PINK1: variants seen among roughly 807,000 people sequenced by gnomAD.
The protein encoded by PINK1 is PTEN induced kinase 1.
In PINK1, 58 loss-of-function variants were observed where a neutral mutation model predicts 56.0. The observed-to-expected ratio is 1.04, with a 90% CI of 0.84 to 1.29. The LOEUF is 1.29. Ranked by LOEUF, PINK1 falls within the 50% of genes most tolerant of loss-of-function variation. The probability of loss-of-function intolerance (pLI) is 0.00; values close to 1 mark genes in which losing one functional copy is unlikely to be tolerated. For synonymous variants in PINK1, 354 were observed against 339.3 expected, an observed-to-expected ratio of 1.04 and a Z score of -0.48; for missense variants, 745 against 777.9, an observed-to-expected ratio of 0.96 and a Z score of 0.50.
chr1:20,640,563 G>A (rs540671315), intron 3 of PINK1, among the ~76,000 whole-genome samples: 168 of 152,274 alleles, frequency 1.1e-3, no homozygotes, highest in Non-Finnish European at 2.0e-3. Context: ...GACAGTTTGT[G>A]CCACCTTGTG....
At chr1:20,648,460 GGAA>G in intron 5 of PINK1, 42 bp from the exon 6 acceptor site, 1 of 1,612,986 alleles carries the variant, frequency 6.2e-7, no homozygotes, top group East Asian at 2.2e-5. Context: ...CCTCTCAGAG[GGAA>G]GGAGGGGAGG....
At chr1:20,644,460 C>G in intron 3 of PINK1, 30 bp from the exon 4 acceptor site, 3 of 1,610,994 alleles carry the variant, frequency 1.9e-6, no homozygotes, top group Non-Finnish European at 2.5e-6. Flanking sequence ...TGATGCTGGC[C>G]TCATATGTTT....
At position 20,637,935 on chromosome 1, in the gene PINK1, T is replaced by C. The variant is rs771245131; in HGVS notation, c.481T>C (p.Ser161Pro). The C allele has an allele frequency of 5.6e-6, 9 of 1,614,012 alleles. No individual in the cohort carries two copies. In the South Asian group the frequency reaches 9.9e-5, roughly 18 times the overall value. Residue 161 changes from serine to proline, a missense_variant, in exon 2 of 8, where the codon TCC becomes CCC. Ser to Pro is a moderately conservative substitution (Grantham distance 74, BLOSUM62 -1). Transcript: ENST00000321556. Reference protein sequence around the residue: ...FRLEEYLIGQSIGKGCSAAVY... With the variant: ...FRLEEYLIGQPIGKGCSAAVY... ...GCTGGAGGAGTATCTGATAGGGCAG[T>C]CCATTGGTAAGGGCTGCAGTGCTGC...
chr1:20,647,500 TCA>T (rs2053198834), intron 5 of PINK1, among the ~76,000 whole-genome samples: 1 of 122,854 alleles, frequency 8.1e-6, no homozygotes, highest in Non-Finnish European at 1.6e-5. Context: ...AGACGGAGTC[TCA>T]CTCTGTCGCC....
Position 20,650,263 on chromosome 1 carries a change from G to T in PINK1, c.1489-171G>T, listed in dbSNP as rs969627427. 1.9e-5 allele frequency: 16 copies of T among 834,088 alleles called. No homozygotes were observed. The East Asian group carries it at 4.3e-4, about 22-fold the overall frequency. The allele number at this position is 834,088 out of a possible 1,614,324, so 51.7% of individuals were successfully genotyped here. A position where few individuals can be genotyped will look rare whatever the true frequency, so the allele number is the denominator to read the frequency against. On this transcript the variant is annotated intron_variant, in intron 7 of 7. Transcript: ENST00000321556. ...GTACACATGGAAAAGCTTGGAGCACGGGCAGGGGACAGGCAGTATTTGTCA... is the reference window on the plus strand; with the variant it reads ...GTACACATGGAAAAGCTTGGAGCACTGGCAGGGGACAGGCAGTATTTGTCA...
At chr1:20,644,319 T>C (rs1218132327) in intron 3 of PINK1, among the ~76,000 whole-genome samples, 171 bp from the exon 4 acceptor site, 1 of 152,218 alleles carries the variant, frequency 6.6e-6, no homozygotes, top group East Asian at 1.9e-4. Context: ...AGTCATCAGA[T>C]GTGTTCTCCA....
Position 20,648,985 on chromosome 1 carries a change from T to C in PINK1, c.1252-10T>C, listed in dbSNP as rs1159401444. On this transcript the variant is annotated splice_polypyrimidine_tract_variant and intron_variant, in intron 6 of 7. Transcript: ENST00000321556. ...GGCAGCGTGATGTCTCACCCACTGC[T>C]TCTGAGCAGGTGTCCACGGCCCGTC... 6 of 1,612,546 alleles carry C rather than the reference T, an allele frequency of 3.7e-6. 1 individual carries two copies. The highest frequency in any genetic ancestry group is 2.0e-4 in the Middle Eastern group (1 of 4,910).
intron 2 of PINK1, chr1:20,638,945 C>T (rs950189361): frequency 6.6e-6 from 1 of 152,374 alleles, no homozygotes; most frequent in African/African-American, 2.4e-5. Context: ...CTACTCTCAA[C>T]TCTTGGAAGG....
rs144655562 is a variant in PINK1, at chr1:20,641,582, T to C, written c.776+1590T>C. Among the ~76,000 whole-genome samples the C allele has an allele frequency of 6.6e-6, 1 of 152,240 alleles. No homozygotes were observed. The highest frequency in any genetic ancestry group is 2.4e-5 in the African/African-American group (1 of 41,526). On this transcript the variant is annotated intron_variant, in intron 3 of 7. Coordinates refer to ENST00000321556, the MANE Select transcript of PINK1 (RefSeq NM_032409.3). This position sits in a 1 kb window ranked among gnomAD's most constrained non-coding sequence, Gnocchi z 4.0. ...AGTAAATACCTGTTGAATGACCGGATAGATGTGGCAGCAGGTACATTACCT... is the reference window on the plus strand; with the variant it reads ...AGTAAATACCTGTTGAATGACCGGACAGATGTGGCAGCAGGTACATTACCT...
chr1:20,644,648 G>A lies in PINK1; in HGVS notation c.935G>A (p.Arg312Gln), dbSNP rs202128685. The A allele has an allele frequency of 3.1e-5, 50 of 1,614,200 alleles. No individual in the cohort carries two copies. Among genetic ancestry groups the A allele is most frequent in the East Asian group, 2.0e-4 (9 of 44,878 alleles). ...RLHPEGLGHG[R>Q]TLFLVMKNYP... is the part of the protein sequence containing the mutation. Reference sequence around the variant, plus strand: ...CACCCTGAAGGCCTGGGCCATGGCCGGACGCTGTTCCTCGTTATGAAGAAG... The same window carrying A: ...CACCCTGAAGGCCTGGGCCATGGCCAGACGCTGTTCCTCGTTATGAAGAAG... Residue 312 changes from arginine to glutamine, a missense_variant, in exon 4 of 8, where the codon CGG becomes CAG. Arg to Gln is a conservative substitution (Grantham distance 43). Transcript: ENST00000321556.
chr1:20,649,086 G>A lies in PINK1; in HGVS notation c.1343G>A (p.Gly448Glu), dbSNP rs1239850116. The A allele has an allele frequency of 5.6e-6, 9 of 1,614,124 alleles. No homozygotes were observed. The highest frequency in any genetic ancestry group is 7.6e-6 in the Non-Finnish European group (9 of 1,180,054). The change falls in exon 7 of 8, where the codon GGG (glycine) becomes GAG (glutamate). Residue 448 changes from glycine to glutamate, a missense_variant. Gly to Glu is a moderately conservative substitution (Grantham distance 98, BLOSUM62 -2). Coordinates refer to ENST00000321556, the MANE Select transcript of PINK1 (RefSeq NM_032409.3). Reference protein sequence around the residue: ...AVGAIAYEIFGLVNPFYGQGK... With the variant: ...AVGAIAYEIFELVNPFYGQGK... The stretch of plus-strand genomic sequence containing the variant: ...GGAGCCATCGCCTATGAAATCTTCG[G>A]GCTTGTCAATCCCTTCTACGGCCAG...
In PINK1 at chr1:20,638,189, C is replaced by T. The variant is rs1030869198; in HGVS notation, c.675+60C>T. 38 of 1,566,316 alleles carry T rather than the reference C, an allele frequency of 2.4e-5. No homozygotes were observed. In the African/African-American group the frequency reaches 4.9e-4, roughly 20 times the overall value. On this transcript the variant is annotated intron_variant, in intron 2 of 7. Transcript: ENST00000321556. ...TTCTCAAAATGCCCATCTTAGTGGG[C>T]CTGGTGAGGATTTTTTCCAGGAAGT...
In PINK1 at chr1:20,645,886, T is replaced by C. The variant is rs188973912; in HGVS notation, c.1123+163T>C. ...AGCAATCTCTCCCTTAGAACGGGGTTTTTTTTTCTCTCTTTGCAGAGAGAC... is the reference window on the plus strand; with the variant it reads ...AGCAATCTCTCCCTTAGAACGGGGTCTTTTTTTCTCTCTTTGCAGAGAGAC... On this transcript the variant is annotated intron_variant, in intron 5 of 7. Coordinates refer to ENST00000321556, the MANE Select transcript of PINK1 (RefSeq NM_032409.3). 1.3e-5 allele frequency among the ~76,000 whole-genome samples: 2 copies of C among 152,136 alleles called. 1 individual carries two copies. Among genetic ancestry groups the C allele is most frequent in the Non-Finnish European group, 2.9e-5 (2 of 67,988 alleles).
At chr1:20,648,760 C>T in intron 6 of PINK1, 128 bp downstream of exon 6, 1 of 1,480,936 alleles carries the variant, frequency 6.8e-7, no homozygotes, top group Non-Finnish European at 9.1e-7. Flanking sequence ...GGCACAAGTT[C>T]CTTCCCTGCC....
Position 20,641,891 on chromosome 1 carries a change from A to T in PINK1, c.776+1899A>T, listed in dbSNP as rs2053118898. On this transcript the variant is annotated intron_variant, in intron 3 of 7. Transcript: ENST00000321556. This position sits in a 1 kb window ranked among gnomAD's most constrained non-coding sequence, Gnocchi z 4.0. ...TCCCACATTTCAGGTCTCAGTTCAG[A>T]CACCCGCAACCCCACCATGTATCTC... 6.6e-6 allele frequency among the ~76,000 whole-genome samples: 1 copy of T among 152,028 alleles called. No individual in the cohort carries two copies. Among genetic ancestry groups the T allele is most frequent in the African/African-American group, 2.4e-5 (1 of 41,388 alleles).
In PINK1 at chr1:20,650,533, T is replaced by A. The variant is rs1169627314; in HGVS notation, c.1588T>A (p.Trp530Arg). Residue 530 changes from tryptophan to arginine, a missense_variant, in exon 8 of 8, where the codon TGG becomes AGG. Coordinates refer to ENST00000321556, the MANE Select transcript of PINK1 (RefSeq NM_032409.3). ...KNLKLDKMVG[W>R]LLQQSAATLL... ...TCTGAAGTTAGACAAGATGGTTGGC[T>A]GGCTCCTCCAACAATCGGCCGCCAC... 3 of 1,614,232 alleles carry A rather than the reference T, an allele frequency of 1.9e-6. No homozygotes were observed. Among genetic ancestry groups the A allele is most frequent in the Non-Finnish European group, 2.5e-6 (3 of 1,180,046 alleles).
intron 2 of PINK1, chr1:20,638,350 G>A (rs1165235474): frequency 1.5e-5 from 9 of 601,510 alleles, no homozygotes; most frequent in East Asian, 3.1e-5. Flanking sequence ...AGGTTCAAAG[G>A]TAGATTTTGG....
rs199823580 is a variant in PINK1 at position 20,646,871 on chromosome 1, TTTAC to T, written c.1123+1152_1123+1155del. On this transcript the variant is annotated intron_variant, in intron 5 of 7. Coordinates refer to ENST00000321556, the MANE Select transcript of PINK1 (RefSeq NM_032409.3). ...CTGGCTTTTATTATTTCTTTATTTA[TTTAC>T]TTATTTATTTATTTATTTATTTGAG... is the stretch of plus-strand genomic sequence containing the variant. 3.0e-3 allele frequency among the ~76,000 whole-genome samples: 395 copies of T among 130,994 alleles called. 2 individuals carry two copies. The highest frequency in any genetic ancestry group is 0.011 in the African/African-American group (381 of 36,098). The allele number at this position is 130,994 out of a possible 152,430, so 85.9% of individuals were successfully genotyped here.
chr1:20,642,362 T>C lies in PINK1; in HGVS notation c.777-2128T>C, dbSNP rs141551361. Among the ~76,000 whole-genome samples, 1,491 of 152,160 alleles carry C rather than the reference T, an allele frequency of 9.8e-3. 12 individuals are homozygous for C. Among genetic ancestry groups the C allele is most frequent in the Non-Finnish European group, 0.016 (1,098 of 68,002 alleles). On this transcript the variant is annotated intron_variant, in intron 3 of 7. Transcript: ENST00000321556. ...CCCTGTGCTAGCTTTAAGGCGGTAA[T>C]TTTATTAGAGGAGGTTTAAGGGGTG...
Sources: allele counts gnomAD v4.1 joint callset (sites outside exome capture counted in the v4.1 genomes callset), GRCh38; gene constraint gnomAD v4.1.1; non-coding constraint Gnocchi (gnomAD v3.1); transcripts MANE v1.5; gene names NCBI Gene and HGNC (gene_info 2026-07-23, HGNC 2026-07-21).